COL1A1: variants seen among roughly 807,000 people sequenced by gnomAD.
The protein encoded by COL1A1 is collagen type I alpha 1 chain.
COL1A1 carries 21 observed loss-of-function variants against 195.7 expected under a neutral mutation model. The observed-to-expected ratio is 0.11, with a 90% CI of 0.08 to 0.15. The LOEUF is 0.15. COL1A1 is among the 10% of genes least tolerant of loss of function. The pLI is 1.00. For missense variants in COL1A1, 1,365 were observed against 2,051.0 expected, an observed-to-expected ratio of 0.67 and a Z score of 6.46; for synonymous variants, 749 against 747.3, an observed-to-expected ratio of 1.00 and a Z score of -0.04.
chr17:50,194,863 T>C lies in COL1A1; in HGVS notation c.1354-35A>G. 1.1e-5 allele frequency: 17 copies of C among 1,564,130 alleles called. No individual in the cohort carries two copies. Among genetic ancestry groups the C allele is most frequent in the Non-Finnish European group, 1.5e-5 (17 of 1,149,662 alleles). On this transcript the variant is annotated intron_variant, in intron 20 of 50. Transcript: ENST00000225964. This position sits in a 1 kb window ranked among gnomAD's most constrained non-coding sequence, Gnocchi z 6.8. The stretch of plus-strand genomic sequence containing the variant: ...GCCGAGAGGAGGAGGCGGCCTGTGG[T>C]GAGGGGCCATCCTGTGCCAGCCTCA...
intron 46 of COL1A1, 62 bp downstream of exon 46, chr17:50,187,422 A>G: frequency 1.3e-6 from 2 of 1,577,246 alleles, no homozygotes; most frequent in Admixed American, 1.7e-5. Flanking sequence ...GTCCCTGGCA[A>G]GGGTCCCCGA....
chr17:50,198,118 A>G, intron 7 of COL1A1, 43 bp downstream of exon 7: 1 of 1,612,974 alleles, frequency 6.2e-7, no homozygotes, highest in Admixed American at 1.7e-5. Flanking sequence ...CCTCCAAAAG[A>G]CCAAAGCCCA....
rs1314474408 is a variant in COL1A1, at chr17:50,184,438, A to G, written c.*1064T>C. The G allele has an allele frequency of 8.7e-6, 2 of 230,652 alleles. No homozygotes were observed. Among genetic ancestry groups the G allele is most frequent in the Non-Finnish European group, 1.7e-5 (2 of 116,658 alleles). 14.3% of individuals were successfully genotyped at this position (230,652 alleles called of 1,614,324 possible). A position where few individuals can be genotyped will look rare whatever the true frequency, so the allele number is the denominator to read the frequency against. On this transcript the variant is annotated 3_prime_UTR_variant, in exon 51 of 51. Transcript: ENST00000225964. The stretch of plus-strand genomic sequence containing the variant: ...CCGCACACGCTCTCCTCCCATGTTA[A>G]ATAGCACCTTTAGAAAAATTCACAA...
At position 50,192,458 on chromosome 17, in the gene COL1A1, C is replaced by T. The variant is rs758892677; in HGVS notation, c.1983+17G>A. 16 of 1,595,444 alleles carry T rather than the reference C, an allele frequency of 1.0e-5. No homozygotes were observed. Among genetic ancestry groups the T allele is most frequent in the African/African-American group, 4.0e-5 (3 of 74,344 alleles). ...TCCCTGCATCTCCCACCCCTCTGGC[C>T]GGCTGCTCCCTCTTACCTGTTCACC... On this transcript the variant is annotated intron_variant, in intron 29 of 50. Coordinates refer to ENST00000225964, the MANE Select transcript of COL1A1 (RefSeq NM_000088.4).
chr17:50,188,311 G>C lies in COL1A1; in HGVS notation c.3208-162C>G. On this transcript the variant is annotated intron_variant, in intron 43 of 50. Coordinates refer to ENST00000225964, the MANE Select transcript of COL1A1 (RefSeq NM_000088.4). The surrounding 1 kb of genome is among the most constrained non-coding windows in gnomAD (Gnocchi z 5.6). ...AAACCTCCCCACTGCAATCTTCACG[G>C]GAGCTGGGGCCAACTCATGGGAGAG... is the stretch of plus-strand genomic sequence containing the variant. 1.2e-6 allele frequency: 1 copy of C among 868,680 alleles called. No homozygotes were observed. Among genetic ancestry groups the C allele is most frequent in the Non-Finnish European group, 1.8e-6 (1 of 567,212 alleles). The allele number at this position is 868,680 out of a possible 1,614,324, so 53.8% of individuals were successfully genotyped here.
chr17:50,190,580 C>T lies in COL1A1; in HGVS notation c.2360G>A (p.Ser787Asn). 1.2e-6 allele frequency: 2 copies of T among 1,612,980 alleles called. No homozygotes were observed. The highest frequency in any genetic ancestry group is 1.7e-6 in the Non-Finnish European group (2 of 1,179,400). Residue 787 changes from serine to asparagine, a missense_variant, in exon 34 of 51, where the codon AGC becomes AAC. Transcript: ENST00000225964. This position sits in a 1 kb window ranked among gnomAD's most constrained non-coding sequence, Gnocchi z 4.7. ...AGCTCCAGTGGGACCAGCAGGGCCG[C>T]TGGGACCACTTTCACCCTGAGAGCA... Reference protein sequence around the residue: ...APGDKGESGPSGPAGPTGARG... With the variant: ...APGDKGESGPNGPAGPTGARG...
intron 1 of COL1A1, among the ~76,000 whole-genome samples, chr17:50,201,070 G>A (rs1908050815): frequency 6.6e-6 from 1 of 152,190 alleles, no homozygotes; most frequent in African/African-American, 2.4e-5. Flanking sequence ...CTACATCTTG[G>A]GCTTCAAATG....
rs762223437 is a variant in COL1A1 at position 50,197,762 on chromosome 17, G to A, written c.666C>T (p.Pro222=). The A allele has an allele frequency of 2.5e-6, 4 of 1,602,088 alleles. No individual in the cohort carries two copies. The highest frequency in any genetic ancestry group is 3.4e-6 in the Non-Finnish European group (4 of 1,176,426). Residue 222 remains proline (P), a synonymous_variant, in exon 9 of 51, where the codon CCC becomes CCT. Transcript: ENST00000225964. The part of the protein sequence containing the change: ...GASGPMGPRG[P]PGPPGKNGDD... Reference sequence around the variant, plus strand: ...CTCCATTCTTTCCAGGGGGACCTGGGGGACCTCGGGGACCCATGGGACCCT... The same window carrying A: ...CTCCATTCTTTCCAGGGGGACCTGGAGGACCTCGGGGACCCATGGGACCCT...
chr17:50,189,877 G>A lies in COL1A1; in HGVS notation c.2595C>T (p.Arg865=), dbSNP rs117672175. Residue 865 remains arginine (R), a synonymous_variant, in exon 37 of 51, where the codon CGC becomes CGT. Coordinates refer to ENST00000225964, the MANE Select transcript of COL1A1 (RefSeq NM_000088.4). The surrounding 1 kb of genome is among the most constrained non-coding windows in gnomAD (Gnocchi z 5.5). ...TACTCACAGGGGGACCAGCGCTGCC[G>A]CGAGCACCTTTGGCTCCAGGAGCAC... ...NVGAPGAKGA[R]GSAGPPGATG... 1,989 of 1,609,402 alleles carry A rather than the reference G, an allele frequency of 1.2e-3. 1 individual carries two copies. The highest frequency in any genetic ancestry group is 1.6e-3 in the Non-Finnish European group (1,914 of 1,177,968).
Position 50,193,958 on chromosome 17 carries a change from T to G in COL1A1, c.1752A>C (p.Gly584=). 3 of 1,614,006 alleles carry G rather than the reference T, an allele frequency of 1.9e-6. No individual in the cohort carries two copies. Among genetic ancestry groups the G allele is most frequent in the Non-Finnish European group, 2.5e-6 (3 of 1,179,970 alleles). ...TAATACTCACAGCAGCACCTTTAGGTCCAGGGAATCCCATCACACCAGCCT... is the reference window on the plus strand; with the variant it reads ...TAATACTCACAGCAGCACCTTTAGGGCCAGGGAATCCCATCACACCAGCCT... ...RGQAGVMGFP[G]PKGAAGEPGK... Residue 584 remains glycine, a synonymous_variant, in exon 25 of 51, where the codon GGA becomes GGC. Coordinates refer to ENST00000225964, the MANE Select transcript of COL1A1 (RefSeq NM_000088.4).
rs373830745 is a variant in COL1A1 at position 50,188,483 on chromosome 17, A to G, written c.3207+47T>C. 3 of 1,563,306 alleles carry G rather than the reference A, an allele frequency of 1.9e-6. No homozygotes were observed. The highest frequency in any genetic ancestry group is 2.6e-6 in the Non-Finnish European group (3 of 1,134,236). On this transcript the variant is annotated intron_variant, in intron 43 of 50. Transcript: ENST00000225964. The surrounding 1 kb of genome is among the most constrained non-coding windows in gnomAD (Gnocchi z 5.6). ...CCCAGGCCTCTAAGGAGGCCTGAAG[A>G]GTCCCTGGCCTGACCAGGTACAGGG...
rs368832341 is a variant in COL1A1 at position 50,201,556 on chromosome 17, G to A, written c.-43C>T. The A allele has an allele frequency of 3.2e-5, 50 of 1,559,986 alleles. No individual in the cohort carries two copies. The highest frequency in any genetic ancestry group is 4.3e-5 in the Non-Finnish European group (49 of 1,149,234). On this transcript the variant is annotated 5_prime_UTR_variant, in exon 1 of 51. Coordinates refer to ENST00000225964, the MANE Select transcript of COL1A1 (RefSeq NM_000088.4). ...GTAGACTCTTTGTGGCTGGGGAGGG[G>A]GTTAGCGTCCGCTCATGCGTGGCCT...
At chr17:50,187,166 A>T in intron 46 of COL1A1, 44 bp from the exon 47 acceptor site, 1 of 1,479,572 alleles carries the variant, frequency 6.8e-7, no homozygotes. Flanking sequence ...CAGAAGCCCG[A>T]ACAACCCCAG....
intron 26 of COL1A1, 47 bp downstream of exon 26, chr17:50,192,947 C>A (rs781000537): frequency 6.2e-7 from 1 of 1,613,250 alleles, no homozygotes; most frequent in Non-Finnish European, 8.5e-7. Flanking sequence ...GGAGAAAGTG[C>A]CGGGGCAGCA....
Position 50,198,175 on chromosome 17 carries a change from G to C in COL1A1, c.574C>G (p.Pro192Ala), listed in dbSNP as rs1907764986. ...TGGATACTCACAGGTGCACCAGGGG[G>C]GCCAGGGAGACCACGAGGACCAGAG... The part of the protein sequence containing the change: ...GPSGPRGLPG[P>A]PGAPGPQGFQ... The change falls in exon 7 of 51, where the codon CCC (proline) becomes GCC (alanine). Residue 192 changes from proline to alanine, a missense_variant. Coordinates refer to ENST00000225964, the MANE Select transcript of COL1A1 (RefSeq NM_000088.4). 1 of 1,614,016 alleles carries C rather than the reference G, an allele frequency of 6.2e-7. No individual in the cohort carries two copies. The highest frequency in any genetic ancestry group is 1.3e-5 in the African/African-American group (1 of 74,906).
Position 50,190,284 on chromosome 17 carries a change from G to A in COL1A1, c.2451+43C>T, listed in dbSNP as rs1275818627. 6.8e-7 allele frequency: 1 copy of A among 1,476,836 alleles called. No homozygotes were observed. Among genetic ancestry groups the A allele is most frequent in the Non-Finnish European group, 9.5e-7 (1 of 1,055,490 alleles). 91.5% of individuals were successfully genotyped at this position (1,476,836 alleles called of 1,614,324 possible). ...CTCATTCCGTCCCTCGAGGTCCCAG[G>A]TCCCAGTCGGTGATGAAAAATGATG... On this transcript the variant is annotated intron_variant, in intron 35 of 50. Coordinates refer to ENST00000225964, the MANE Select transcript of COL1A1 (RefSeq NM_000088.4). The surrounding 1 kb of genome is among the most constrained non-coding windows in gnomAD (Gnocchi z 4.7).
chr17:50,198,591 A>ACTTC, intron 5 of COL1A1, 87 bp from the exon 6 acceptor site: 1 of 1,030,622 alleles, frequency 9.7e-7, no homozygotes, highest in Non-Finnish European at 1.5e-6. Context: ...GACATCATGC[A>ACTTC]CTTCCTGGTG....
chr17:50,190,033 G>A lies in COL1A1; in HGVS notation c.2527C>T (p.Pro843Ser). 6.2e-7 allele frequency: 1 copy of A among 1,613,624 alleles called. No individual in the cohort carries two copies. ...GAKGDAGPPG[P>S]AGPAGPPGPI... ...CCAGGGGGTCCAGCGGGTCCGGCAG[G>A]GCCAGGGGGACCAGCATCGCCTTTA... is the stretch of plus-strand genomic sequence containing the variant. The change falls in exon 36 of 51, where the codon CCT becomes TCT. Residue 843 changes from proline (P) to serine (S), a missense_variant. Around this residue, in one of 5 missense-constraint regions of COL1A1, gnomAD observed 671 missense variants for 1,099.9 expected, o/e 0.61. Transcript: ENST00000225964. This position sits in a 1 kb window ranked among gnomAD's most constrained non-coding sequence, Gnocchi z 4.7.
rs1437505158 is a variant in COL1A1 at position 50,197,034 on chromosome 17, G to C, written c.780C>G (p.Gly260=). The change falls in exon 11 of 51, where the codon GGC becomes GGG. Residue 260 remains glycine, a synonymous_variant. Coordinates refer to ENST00000225964, the MANE Select transcript of COL1A1 (RefSeq NM_000088.4). ...QGARGLPGTA[G]LPGMKGHRGF... ...CTCTGTGTCCCTTCATTCCAGGGAG[G>C]CCAGCTGTTCCGGGCAATCCTCGAG... is the stretch of plus-strand genomic sequence containing the variant. The C allele has an allele frequency of 1.2e-6, 2 of 1,614,076 alleles. No individual in the cohort carries two copies. Among genetic ancestry groups the C allele is most frequent in the Non-Finnish European group, 1.7e-6 (2 of 1,179,984 alleles).
Sources: gnomAD v4.1 joint callset for allele counts (sites outside exome capture counted in the v4.1 genomes callset) on GRCh38, gnomAD v4.1.1 for gene constraint, gnomAD v4.1.1 regional missense constraint, Gnocchi (gnomAD v3.1) non-coding constraint, MANE v1.5 for transcripts, NCBI Gene and HGNC (gene_info 2026-07-23, HGNC 2026-07-21) for gene names.